MACROD2: variants seen among roughly 807,000 people sequenced by gnomAD.
MACROD2 encodes ADP-ribose glycohydrolase MACROD2.
Under a neutral mutation model 70.4 loss-of-function variants are expected in MACROD2, and 36 were observed. That is an observed-to-expected ratio of 0.51 (90% confidence interval 0.39 to 0.68). MACROD2 has a LOEUF of 0.68. Ranked by LOEUF, MACROD2 falls within the 30% of genes least tolerant of loss-of-function variation. The probability of loss-of-function intolerance (pLI) is 0.00; values close to 1 mark genes in which losing one functional copy is unlikely to be tolerated. For synonymous variants in MACROD2, 172 were observed against 178.8 expected (o/e 0.96, Z 0.30); for missense variants, 496 against 538.4 (o/e 0.92, Z 0.78).
chr20:15,003,201 T>C (rs1440729964), intron 5 of MACROD2, among the ~76,000 whole-genome samples: 1 of 152,158 alleles, frequency 6.6e-6, no homozygotes, highest in Non-Finnish European at 1.5e-5. Flanking sequence ...CTAAGGGCTG[T>C]TTTTGGCATA....
At chr20:15,795,647 T>G in intron 8 of MACROD2, among the ~76,000 whole-genome samples, 1 of 152,202 alleles carries the variant, frequency 6.6e-6, no homozygotes, top group African/African-American at 2.4e-5. Context: ...TAGTCCCGAT[T>G]TATTAAGATA....
At chr20:15,418,242 T>G (rs2046182162) in intron 6 of MACROD2, among the ~76,000 whole-genome samples, 1 of 152,238 alleles carries the variant, frequency 6.6e-6, no homozygotes, top group African/African-American at 2.4e-5. Flanking sequence ...TCTTCCTACT[T>G]GTTAAGCTTT....
intron 15 of MACROD2, among the ~76,000 whole-genome samples, chr20:15,992,648 G>A (rs534382493): frequency 2.2e-4 from 33 of 152,264 alleles, no homozygotes; most frequent in South Asian, 1.0e-3. Context: ...ATCCTGTATC[G>A]CCCTTTGTCT....
intron 8 of MACROD2, among the ~76,000 whole-genome samples, chr20:15,528,724 GTT>G (rs11475693): frequency 0.04 from 5,730 of 142,986 alleles, 334 homozygotes; most frequent in African/African-American, 0.13. Flanking sequence ...CAGTTATGTG[GTT>G]TTTTTTTTTT....
At chr20:14,484,138 C>T (rs1386078109) in intron 3 of MACROD2, among the ~76,000 whole-genome samples, 3 of 152,098 alleles carry the variant, frequency 2.0e-5, no homozygotes, top group African/African-American at 7.2e-5. Flanking sequence ...TAGGTGTTCT[C>T]CAAGCTATAC....
chr20:14,260,782 T>G (rs535628610), intron 3 of MACROD2, among the ~76,000 whole-genome samples: 1 of 152,252 alleles, frequency 6.6e-6, no homozygotes, highest in East Asian at 1.9e-4. Flanking sequence ...TATGCTCTTG[T>G]GAGCATTAAA....
At chr20:15,429,145 A>G (rs2046335064) in intron 6 of MACROD2, among the ~76,000 whole-genome samples, 1 of 152,118 alleles carries the variant, frequency 6.6e-6, no homozygotes, top group South Asian at 2.1e-4. Flanking sequence ...CTTGCAGTTG[A>G]TTTTCATACG....
intron 3 of MACROD2, among the ~76,000 whole-genome samples, chr20:14,137,371 G>C (rs1015131184): frequency 6.6e-6 from 1 of 152,100 alleles, no homozygotes; most frequent in Non-Finnish European, 1.5e-5. Context: ...GCATTATAAA[G>C]GTCTTCATCC....
intron 3 of MACROD2, among the ~76,000 whole-genome samples, chr20:14,171,577 G>T (rs1320023650): frequency 6.6e-6 from 1 of 152,102 alleles, no homozygotes; most frequent in Admixed American, 6.6e-5. Flanking sequence ...AGTTTCATCT[G>T]AATTTTATTG....
chr20:14,142,539 C>T (rs982018615), intron 3 of MACROD2, among the ~76,000 whole-genome samples: 4 of 152,232 alleles, frequency 2.6e-5, no homozygotes, highest in Middle Eastern at 3.4e-3. Flanking sequence ...CCTAGATGCC[C>T]GAGCTGTATG....
chr20:14,092,753 C>T lies in MACROD2; in HGVS notation c.271+7025C>T, dbSNP rs186427264. Among the ~76,000 whole-genome samples, 6 of 152,214 alleles carry T rather than the reference C, an allele frequency of 3.9e-5. No individual in the cohort carries two copies. In the East Asian group the frequency reaches 9.7e-4, roughly 24 times the overall value. ...TGTTGTAAATAATGTGTGAAAAATA[C>T]GTAGCACAGTTCTCGCACAAAATAT... On this transcript the variant is annotated intron_variant, in intron 3 of 17. Coordinates refer to ENST00000684519, the MANE Select transcript of MACROD2 (RefSeq NM_001351661.2).
chr20:14,490,318 A>G (rs529171142), intron 3 of MACROD2, among the ~76,000 whole-genome samples: 12 of 152,336 alleles, frequency 7.9e-5, no homozygotes, highest in Admixed American at 3.9e-4. Flanking sequence ...TTAGCTTCAG[A>G]TAACCCTTTT....
chr20:15,443,983 T>C (rs1245602456), intron 7 of MACROD2, among the ~76,000 whole-genome samples: 1 of 152,200 alleles, frequency 6.6e-6, no homozygotes, highest in African/African-American at 2.4e-5. Context: ...AAAGCGGTTT[T>C]ATTAAACTGT....
intron 5 of MACROD2, among the ~76,000 whole-genome samples, chr20:15,139,857 G>A (rs2076178519): frequency 6.6e-6 from 1 of 152,176 alleles, no homozygotes; most frequent in South Asian, 2.1e-4. Flanking sequence ...ACATGCACAA[G>A]TGGCATATAG....
At chr20:14,005,997 T>C (rs918659877) in intron 2 of MACROD2, among the ~76,000 whole-genome samples, 1 of 152,228 alleles carries the variant, frequency 6.6e-6, no homozygotes, top group Non-Finnish European at 1.5e-5. Flanking sequence ...ACATCCTGCA[T>C]ATATGATGGT....
At chr20:15,384,501 C>T (rs1600329927) in intron 6 of MACROD2, among the ~76,000 whole-genome samples, 1 of 152,106 alleles carries the variant, frequency 6.6e-6, no homozygotes, top group South Asian at 2.1e-4. Context: ...TTCTCATGAA[C>T]TACATGAAAC....
chr20:15,293,515 G>C (rs1037477176), intron 6 of MACROD2, among the ~76,000 whole-genome samples: 6 of 152,140 alleles, frequency 3.9e-5, no homozygotes, highest in Non-Finnish European at 8.8e-5. Flanking sequence ...AACAAAAAAA[G>C]AACATGTTGA....
intron 12 of MACROD2, among the ~76,000 whole-genome samples, chr20:15,959,636 T>G (rs1244327067): frequency 6.6e-6 from 1 of 152,174 alleles, no homozygotes; most frequent in African/African-American, 2.4e-5. Context: ...TTCAAGCGAT[T>G]CTCCTGTCTC....
intron 5 of MACROD2, among the ~76,000 whole-genome samples, chr20:15,091,159 T>C (rs2075789768): frequency 6.6e-6 from 1 of 152,042 alleles, no homozygotes; most frequent in Non-Finnish European, 1.5e-5. Flanking sequence ...TAACACCTAG[T>C]AACACATTCA....
Sources: allele counts gnomAD v4.1 joint callset (sites outside exome capture counted in the v4.1 genomes callset), GRCh38; gene constraint gnomAD v4.1.1; transcripts MANE v1.5; gene names NCBI Gene and HGNC (gene_info 2026-07-23, HGNC 2026-07-21).